SPICE1: variants seen among roughly 807,000 people sequenced by gnomAD.
The protein encoded by SPICE1 is spindle and centriole associated protein 1.
In SPICE1, 75 loss-of-function variants were observed where a neutral mutation model predicts 102.7. That is an observed-to-expected ratio of 0.73 (90% CI 0.61 to 0.88). SPICE1 has a LOEUF of 0.88. Ranked by LOEUF, SPICE1 falls within the 40% of genes least tolerant of loss-of-function variation. SPICE1 has a pLI of 0.00. For missense variants in SPICE1, 979 were observed against 1,020.1 expected, an observed-to-expected ratio of 0.96 and a Z score of 0.55; for synonymous variants, 308 against 350.3, an observed-to-expected ratio of 0.88 and a Z score of 1.35.
chr3:113,476,591 A>C (rs1269748020), intron 7 of SPICE1, among the ~76,000 whole-genome samples: 8 of 145,724 alleles, frequency 5.5e-5, no homozygotes, highest in Non-Finnish European at 1.1e-4. Context: ...ACAGAGATAT[A>C]GATCAATGGA....
intron 10 of SPICE1, among the ~76,000 whole-genome samples, chr3:113,467,103 T>A (rs956135541): frequency 6.6e-6 from 1 of 152,160 alleles, no homozygotes; most frequent in Non-Finnish European, 1.5e-5. Flanking sequence ...AACTAAAACA[T>A]CTGTATTAAG....
At chr3:113,501,728 C>T (rs1240731463) in intron 3 of SPICE1, among the ~76,000 whole-genome samples, 8 of 152,088 alleles carry the variant, frequency 5.3e-5, no homozygotes, top group Admixed American at 5.2e-4. Context: ...GCACTTTACA[C>T]CTACTAAGAG....
chr3:113,497,227 G>C (rs1274202948), intron 4 of SPICE1, among the ~76,000 whole-genome samples: 1 of 152,186 alleles, frequency 6.6e-6, no homozygotes. Flanking sequence ...TGTATTCAGA[G>C]ACAGAAGCTG....
rs61284128 is a variant in SPICE1 at position 113,480,931 on chromosome 3, A to AGAAAGAAAGAAAGGAAGAAAGAAAG, written c.611+8013_611+8014insCTTTCTTTCTTCCTTTCTTTCTTTC. Among the ~76,000 whole-genome samples the AGAAAGAAAGAAAGGAAGAAAGAAAG allele has an allele frequency of 1.6e-4, 23 of 143,714 alleles. No individual in the cohort carries two copies. The South Asian group carries it at 1.8e-3, about 11-fold the overall frequency. 94.3% of individuals were successfully genotyped at this position (143,714 alleles called of 152,430 possible). On this transcript the variant is annotated intron_variant, in intron 7 of 17. Coordinates refer to ENST00000295872, the MANE Select transcript of SPICE1 (RefSeq NM_144718.4). ...AAAATTTAAAGAAAGAAAGAAAGAAAAAAGACCTCAGTACTAAAGCCAATA... is the reference window on the plus strand; with the variant it reads ...AAAATTTAAAGAAAGAAAGAAAGAAAGAAAGAAAGAAAGGAAGAAAGAAAGAAAGACCTCAGTACTAAAGCCAATA...
At chr3:113,507,048 A>T (rs1170544553) in intron 1 of SPICE1, among the ~76,000 whole-genome samples, 1 of 152,210 alleles carries the variant, frequency 6.6e-6, no homozygotes, top group Non-Finnish European at 1.5e-5. Flanking sequence ...CAAAATCACT[A>T]CCAGGTACAT....
In SPICE1 at chr3:113,457,237, A is replaced by G. The variant is rs747415321; in HGVS notation, c.1556T>C (p.Met519Thr). Residue 519 changes from methionine to threonine, a missense_variant, in exon 13 of 18, where the codon ATG (methionine) becomes ACG (threonine). Met to Thr is a moderately conservative substitution (Grantham distance 81, BLOSUM62 -1). Coordinates refer to ENST00000295872, the MANE Select transcript of SPICE1 (RefSeq NM_144718.4). ...LSQVPDPPDN[M>T]NLAKNFPAHI... Reference sequence around the variant, plus strand: ...TGCTGGAAAATTCTTGGCCAGATTCATGTTATCTGGAGGGTCTGGCACCTG... The same window carrying G: ...TGCTGGAAAATTCTTGGCCAGATTCGTGTTATCTGGAGGGTCTGGCACCTG... 1.2e-6 allele frequency: 2 copies of G among 1,614,172 alleles called. No homozygotes were observed. The highest frequency in any genetic ancestry group is 1.1e-5 in the South Asian group (1 of 91,082).
chr3:113,485,167 G>GTTTTTTTTTTTT (rs767458439), intron 7 of SPICE1, among the ~76,000 whole-genome samples: 1 of 147,192 alleles, frequency 6.8e-6, no homozygotes, highest in African/African-American at 2.5e-5. Context: ...AGCTGCAGGA[G>GTTTTTTTTTTTT]TTTTGTTTGT....
At chr3:113,450,597 G>A (rs1237414685) in intron 14 of SPICE1, 81 bp from the exon 15 acceptor site, 3 of 1,169,036 alleles carry the variant, frequency 2.6e-6, no homozygotes, top group East Asian at 2.6e-5. Context: ...TTTTTTTTTA[G>A]GCAGAGTCTC....
Position 113,503,216 on chromosome 3 carries a change from A to T in SPICE1, c.111T>A (p.Thr37=). ...GAGTTGCCCGATGAACGGTTAGATCAGTCACGGTATTCTGTAAAAAAAGGT... is the reference window on the plus strand; with the variant it reads ...GAGTTGCCCGATGAACGGTTAGATCTGTCACGGTATTCTGTAAAAAAAGGT... ...SVKQEWDNTV[T]DLTVHRATPE... Residue 37 remains threonine, a synonymous_variant, in exon 3 of 18, where the codon ACT becomes ACA. Coordinates refer to ENST00000295872, the MANE Select transcript of SPICE1 (RefSeq NM_144718.4). The T allele has an allele frequency of 6.3e-7, 1 of 1,597,774 alleles. No individual in the cohort carries two copies.
chr3:113,494,642 G>A (rs1936841357), intron 4 of SPICE1, among the ~76,000 whole-genome samples: 1 of 137,300 alleles, frequency 7.3e-6, no homozygotes, highest in Non-Finnish European at 1.6e-5. Context: ...GCGAGACTCC[G>A]TCTCAAAAAA....
In SPICE1 at chr3:113,477,488, T is replaced by A. The variant is rs549480625; in HGVS notation, c.612-8250A>T. Among the ~76,000 whole-genome samples the A allele has an allele frequency of 1.3e-4, 20 of 151,036 alleles. 1 individual carries two copies. In the East Asian group the frequency reaches 3.9e-3, roughly 30 times the overall value. On this transcript the variant is annotated intron_variant, in intron 7 of 17. Coordinates refer to ENST00000295872, the MANE Select transcript of SPICE1 (RefSeq NM_144718.4). ...GCTGCTATAAAGACACATGCACACA[T>A]ATGTTTATTGTGGCACTATTCACAA...
intron 7 of SPICE1, among the ~76,000 whole-genome samples, chr3:113,475,578 T>C (rs1936323462): frequency 6.6e-6 from 1 of 152,228 alleles, no homozygotes; most frequent in Admixed American, 6.5e-5. Flanking sequence ...TCAAAAAGTT[T>C]ATCCACCATG....
intron 17 of SPICE1, 123 bp from the exon 18 acceptor site, chr3:113,445,483 G>T: frequency 1.4e-6 from 1 of 701,696 alleles, no homozygotes. Context: ...GAATGGTACT[G>T]GAAATTAAAT....
chr3:113,492,850 T>C (rs770709693), intron 6 of SPICE1, among the ~76,000 whole-genome samples: 6 of 152,206 alleles, frequency 3.9e-5, no homozygotes, highest in Non-Finnish European at 7.3e-5. Flanking sequence ...TAATGATCGA[T>C]GGTGGCAGTC....
chr3:113,513,580 A>G (rs1937261205), intron 1 of SPICE1, among the ~76,000 whole-genome samples: 1 of 152,192 alleles, frequency 6.6e-6, no homozygotes, highest in Admixed American at 6.5e-5. Flanking sequence ...AAATATGTTC[A>G]ATTAAGCTGA....
intron 17 of SPICE1, 99 bp from the exon 18 acceptor site, chr3:113,445,459 C>A: frequency 1.1e-6 from 1 of 915,584 alleles, no homozygotes; most frequent in South Asian, 1.5e-5. Context: ...AAAACAAAGT[C>A]ATCCTGTGCC....
At chr3:113,514,633 C>T (rs1369037114) in intron 1 of SPICE1, 1 of 521,502 alleles carries the variant, frequency 1.9e-6, no homozygotes. Context: ...ACTGGGTTAA[C>T]TTCCACGGAC....
chr3:113,470,947 T>G (rs1380818331), intron 7 of SPICE1, among the ~76,000 whole-genome samples: 1 of 152,226 alleles, frequency 6.6e-6, no homozygotes, highest in African/African-American at 2.4e-5. Context: ...TCTTCTAGTT[T>G]CATAGGACCA....
At chr3:113,471,873 G>C (rs1356964374) in intron 7 of SPICE1, among the ~76,000 whole-genome samples, 1 of 152,170 alleles carries the variant, frequency 6.6e-6, no homozygotes, top group Non-Finnish European at 1.5e-5. Flanking sequence ...ACAGAAGATG[G>C]GTGATTTCTG....
Sources: gnomAD v4.1 joint callset for allele counts (sites outside exome capture counted in the v4.1 genomes callset) on GRCh38, gnomAD v4.1.1 for gene constraint, MANE v1.5 for transcripts, NCBI Gene and HGNC (gene_info 2026-07-23, HGNC 2026-07-21) for gene names.